The following RGS20 variants were observed in gnomAD, a reference collection of about 807,000 sequenced individuals.
RGS20 encodes gz-selective GTPase-activating protein.
In RGS20, 30 loss-of-function variants were observed where a neutral mutation model predicts 33.6. The ratio of observed to expected loss-of-function variants is 0.89; its 90% CI spans 0.67 to 1.21. RGS20 has a LOEUF of 1.21. Ranked by LOEUF, RGS20 falls within the 50% of genes most tolerant of loss-of-function variation. The pLI is 0.00. For synonymous variants in RGS20, 208 were observed against 197.9 expected (o/e 1.05, Z -0.43); for missense variants, 472 against 502.4 (o/e 0.94, Z 0.58).
intron 5 of RGS20, among the ~76,000 whole-genome samples, chr8:53,956,944 G>A (rs1241260561): frequency 6.6e-6 from 1 of 152,108 alleles, no homozygotes; most frequent in African/African-American, 2.4e-5. Flanking sequence ...TCTAGGAAGA[G>A]CCAAACATCA....
chr8:53,860,583 C>G (rs968079114), intron 1 of RGS20, among the ~76,000 whole-genome samples: 8 of 149,070 alleles, frequency 5.4e-5, no homozygotes, highest in African/African-American at 2.5e-5. Context: ...CACCAGCAAA[C>G]TGCCTCTAAT....
intron 2 of RGS20, among the ~76,000 whole-genome samples, chr8:53,882,187 C>A (rs909733274): frequency 5.3e-5 from 8 of 152,106 alleles, no homozygotes; most frequent in Non-Finnish European, 8.8e-5. Flanking sequence ...GCGGCCCTAC[C>A]GCTGCTAGAG....
At chr8:53,926,297 CT>C (rs1400442900) in intron 2 of RGS20, among the ~76,000 whole-genome samples, 1 of 152,228 alleles carries the variant, frequency 6.6e-6, no homozygotes, top group Non-Finnish European at 1.5e-5. Context: ...TTGTCTAACT[CT>C]TTCAAGGCCC....
intron 2 of RGS20, among the ~76,000 whole-genome samples, chr8:53,901,964 C>A (rs1813044808): frequency 6.6e-6 from 1 of 152,184 alleles, no homozygotes; most frequent in African/African-American, 2.4e-5. Flanking sequence ...ATTGTTCATT[C>A]TCATCGCTGA....
chr8:53,910,285 A>G (rs1216365244), intron 2 of RGS20, among the ~76,000 whole-genome samples: 1 of 152,124 alleles, frequency 6.6e-6, no homozygotes, highest in East Asian at 1.9e-4. Context: ...GCCAAAAAAA[A>G]TTACCAAGAC....
chr8:53,926,430 C>A (rs1449448356), intron 2 of RGS20, among the ~76,000 whole-genome samples: 1 of 152,090 alleles, frequency 6.6e-6, no homozygotes, highest in African/African-American at 2.4e-5. Flanking sequence ...CTATATCTTT[C>A]TGGAACAGGA....
chr8:53,885,336 G>A (rs911107615), intron 2 of RGS20, among the ~76,000 whole-genome samples: 7 of 152,292 alleles, frequency 4.6e-5, no homozygotes, highest in African/African-American at 7.2e-5. Context: ...AGCAGAGGCC[G>A]GGCGCGGTGG....
chr8:53,879,238 T>A (rs985441888), intron 1 of RGS20: 2 of 1,606,414 alleles, frequency 1.2e-6, no homozygotes, highest in Admixed American at 1.7e-5. Flanking sequence ...GCTGGTTTTG[T>A]TTCTCTCTCC....
chr8:53,903,849 T>C (rs1813095973), intron 2 of RGS20, among the ~76,000 whole-genome samples: 1 of 152,126 alleles, frequency 6.6e-6, no homozygotes, highest in Admixed American at 6.5e-5. Context: ...AATTTTACCT[T>C]TTATCCAAGG....
At chr8:53,892,383 A>C (rs1380575049) in intron 2 of RGS20, among the ~76,000 whole-genome samples, 1 of 152,230 alleles carries the variant, frequency 6.6e-6, no homozygotes, top group Non-Finnish European at 1.5e-5. Flanking sequence ...CAGCATGATT[A>C]CACTGTTGGT....
At chr8:53,859,928 A>G (rs1051722247) in intron 1 of RGS20, among the ~76,000 whole-genome samples, 8 of 152,196 alleles carry the variant, frequency 5.3e-5, no homozygotes, top group African/African-American at 1.9e-4. Flanking sequence ...GGTCCCTCCC[A>G]TGACATATGG....
chr8:53,933,840 GT>G (rs1276198541), intron 2 of RGS20: 1 of 152,186 alleles, frequency 6.6e-6, no homozygotes. Flanking sequence ...AGGAAAAAAT[GT>G]TAAGGGCAGC....
intron 2 of RGS20, among the ~76,000 whole-genome samples, chr8:53,937,128 C>A (rs140463524): frequency 0.016 from 2,397 of 151,994 alleles, 52 homozygotes; most frequent in African/African-American, 0.054. Context: ...ACATCACACA[C>A]CAGGGCCTGT....
intron 2 of RGS20, 117 bp from the exon 1 acceptor site, chr8:53,880,755 C>G: frequency 1.2e-6 from 1 of 837,062 alleles, no homozygotes; most frequent in Non-Finnish European, 1.6e-6. Flanking sequence ...TCGCGCCCCG[C>G]GTGGGGCCTC....
At chr8:53,924,560 G>A (rs1011187594) in intron 2 of RGS20, among the ~76,000 whole-genome samples, 3 of 152,134 alleles carry the variant, frequency 2.0e-5, no homozygotes, top group African/African-American at 7.2e-5. Flanking sequence ...CTGGCCTCAA[G>A]CAATCCTCCT....
chr8:53,947,380 T>C (rs13264028), intron 4 of RGS20, among the ~76,000 whole-genome samples: 28,060 of 133,328 alleles, frequency 0.21, 3,171 homozygotes, highest in Non-Finnish European at 0.25. Context: ...AGATATAGTA[T>C]ATTTATATAT....
chr8:53,942,734 A>G (rs1377071501), intron 3 of RGS20, among the ~76,000 whole-genome samples: 2 of 152,072 alleles, frequency 1.3e-5, no homozygotes, highest in African/African-American at 2.4e-5. Context: ...TATGCCTGTA[A>G]TCCCAGCACT....
chr8:53,853,554 G>GA (rs1371328900), intron 1 of RGS20, among the ~76,000 whole-genome samples: 1 of 152,064 alleles, frequency 6.6e-6, no homozygotes, highest in Non-Finnish European at 1.5e-5. Flanking sequence ...TTTGCCTTTT[G>GA]AAAAAATCTT....
At chr8:53,855,317 G>A (rs1316490114) in intron 1 of RGS20, among the ~76,000 whole-genome samples, 5 of 152,012 alleles carry the variant, frequency 3.3e-5, no homozygotes, top group East Asian at 1.9e-4. Flanking sequence ...CGCCCACCTC[G>A]GCCTCTCAAA....
Sources: allele counts gnomAD v4.1 joint callset (sites outside exome capture counted in the v4.1 genomes callset), GRCh38; gene constraint gnomAD v4.1.1; transcripts MANE v1.5; gene names NCBI Gene and HGNC (gene_info 2026-07-23, HGNC 2026-07-21).